The following FBXO15 variants were observed in gnomAD, a reference collection of about 807,000 sequenced individuals.
The protein encoded by FBXO15 is F-box protein 15.
FBXO15 carries 30 observed loss-of-function variants against 49.5 expected under a neutral mutation model. The observed-to-expected ratio is 0.61, with a 90% CI of 0.45 to 0.82. The LOEUF (loss-of-function observed/expected upper bound fraction) is 0.82. FBXO15 is among the 40% of genes least tolerant of loss of function. FBXO15 has a pLI of 0.00. For synonymous variants in FBXO15, 250 were observed against 232.7 expected, an observed-to-expected ratio of 1.07 and a Z score of -0.68; for missense variants, 591 against 631.5, an observed-to-expected ratio of 0.94 and a Z score of 0.69.
rs776815994 is a variant in FBXO15 at position 74,129,436 on chromosome 18, T to G, written c.754A>C (p.Thr252Pro). The G allele has an allele frequency of 3.1e-6, 5 of 1,613,868 alleles. No individual in the cohort carries two copies. In the African/African-American group the frequency reaches 6.7e-5, roughly 22 times the overall value. ...LDLCGMTPVF[T>P]DWYKTPTKHR... ...TTGGTGGGAGTTTTATACCAGTCGG[T>G]AAAAACTGGTGTCATGCCACATAAA... The change falls in exon 5 of 10, where the codon ACC becomes CCC. Residue 252 changes from threonine (T) to proline (P), a missense_variant. Physicochemically the swap from Thr to Pro is conservative, Grantham distance 38. Coordinates refer to ENST00000419743, the MANE Select transcript of FBXO15 (RefSeq NM_001142958.2).
intron 8 of FBXO15, among the ~76,000 whole-genome samples, chr18:74,120,320 T>C (rs528204408): frequency 7.2e-5 from 11 of 152,298 alleles, no homozygotes; most frequent in East Asian, 5.8e-4. Context: ...TCTCAACCGG[T>C]ATTACCTAAT....
At chr18:74,096,976 C>T (rs1056252841) in intron 8 of FBXO15, 6 of 152,226 alleles carry the variant, frequency 3.9e-5, no homozygotes, top group African/African-American at 9.7e-5. Context: ...ACTTGAAGGT[C>T]TAGATCACGG....
In FBXO15 at chr18:74,135,739, CAG is replaced by C. The variant is rs1169330852; in HGVS notation, c.332+21_332+22del. ...CCATCAAACTGTCATCAAAACATAA[CAG>C]AGACTTGGATTTCTGCTTACTTGTC... On this transcript the variant is annotated intron_variant, in intron 3 of 9. Coordinates refer to ENST00000419743, the MANE Select transcript of FBXO15 (RefSeq NM_001142958.2). The C allele has an allele frequency of 7.7e-6, 12 of 1,565,500 alleles. No individual in the cohort carries two copies. The East Asian group carries it at 1.6e-4, about 21-fold the overall frequency.
intron 9 of FBXO15, among the ~76,000 whole-genome samples, chr18:74,079,199 A>C (rs1181892548): frequency 6.6e-6 from 1 of 152,260 alleles, no homozygotes; most frequent in Non-Finnish European, 1.5e-5. Flanking sequence ...AAGCCTCACC[A>C]AAAGAAAATC....
intron 8 of FBXO15, among the ~76,000 whole-genome samples, chr18:74,117,236 CCTACT>C (rs1914270446): frequency 6.6e-6 from 1 of 152,144 alleles, no homozygotes; most frequent in Non-Finnish European, 1.5e-5. Flanking sequence ...CCTTGGAAAT[CCTACT>C]TTGTCATCTT....
chr18:74,142,666 A>G (rs1979157509), intron 1 of FBXO15, among the ~76,000 whole-genome samples: 1 of 152,084 alleles, frequency 6.6e-6, no homozygotes, highest in Non-Finnish European at 1.5e-5. Flanking sequence ...GCCTCTTCTT[A>G]TAAGGATATC....
chr18:74,126,250 C>T, intron 5 of FBXO15, 149 bp from the exon 6 acceptor site: 1 of 1,051,184 alleles, frequency 9.5e-7, no homozygotes, highest in Non-Finnish European at 1.4e-6. Context: ...GGTGAGGACA[C>T]AAATGAATAA....
At position 74,130,495 on chromosome 18, in the gene FBXO15, C is replaced by G. The variant is rs759100583; in HGVS notation, c.496G>C (p.Val166Leu). The G allele has an allele frequency of 4.2e-5, 67 of 1,614,074 alleles. No homozygotes were observed. The highest frequency in any genetic ancestry group is 5.5e-5 in the Non-Finnish European group (65 of 1,180,026). The change falls in exon 4 of 10, where the codon GTA (valine) becomes CTA (leucine). Residue 166 changes from valine to leucine, a missense_variant. By Grantham distance (32) the Val-to-Leu change is conservative. Transcript: ENST00000419743. ...KEYITKQIAS[V>L]KAALADILKP... ...AGAATGTCAGCTAGTGCGGCTTTTA[C>G]AGATGCTATTTGTTTTGTGATATAT... is the stretch of plus-strand genomic sequence containing the variant.
At chr18:74,101,165 C>T (rs536074031) in intron 8 of FBXO15, among the ~76,000 whole-genome samples, 1 of 152,244 alleles carries the variant, frequency 6.6e-6, no homozygotes, top group Admixed American at 6.5e-5. Context: ...TAACAAAATA[C>T]TAACTAACTG....
chr18:74,122,731 C>T (rs1914525650), intron 8 of FBXO15: 1 of 152,130 alleles, frequency 6.6e-6, no homozygotes, highest in East Asian at 1.9e-4. Context: ...TACATAACTT[C>T]CCTTTTAAAA....
At position 74,129,374 on chromosome 18, in the gene FBXO15, T is replaced by C. The variant is rs780949776; in HGVS notation, c.785+31A>G. The C allele has an allele frequency of 3.2e-6, 5 of 1,574,208 alleles. No homozygotes were observed. The South Asian group carries it at 4.5e-5, about 14-fold the overall frequency. The stretch of plus-strand genomic sequence containing the variant: ...ACTAATATTTACATATAAGATGCTC[T>C]CACTCAACAGTTCTGCTGATTGGTA... On this transcript the variant is annotated intron_variant, in intron 5 of 9. Coordinates refer to ENST00000419743, the MANE Select transcript of FBXO15 (RefSeq NM_001142958.2).
intron 8 of FBXO15, among the ~76,000 whole-genome samples, chr18:74,112,054 T>C (rs919460130): frequency 6.6e-6 from 1 of 152,180 alleles, no homozygotes; most frequent in Non-Finnish European, 1.5e-5. Flanking sequence ...TTAATAACCT[T>C]GTAAAACAGA....
At chr18:74,087,203 T>G (rs558787308) in intron 8 of FBXO15, among the ~76,000 whole-genome samples, 1 of 152,234 alleles carries the variant, frequency 6.6e-6, no homozygotes, top group Non-Finnish European at 1.5e-5. Context: ...TGATGACTGA[T>G]CAGGATGGTA....
chr18:74,124,154 G>C (rs1416001131), intron 7 of FBXO15, among the ~76,000 whole-genome samples: 3 of 152,028 alleles, frequency 2.0e-5, no homozygotes, highest in African/African-American at 7.2e-5. Flanking sequence ...TCAGCCCAAG[G>C]GCCATGAGTC....
intron 8 of FBXO15, among the ~76,000 whole-genome samples, chr18:74,117,297 T>G (rs774302515): frequency 6.6e-6 from 1 of 152,068 alleles, no homozygotes; most frequent in Non-Finnish European, 1.5e-5. Flanking sequence ...CCTAACTCAG[T>G]TTCCCATTCT....
At chr18:74,139,489 C>T (rs1351325697) in intron 2 of FBXO15, among the ~76,000 whole-genome samples, 1 of 152,176 alleles carries the variant, frequency 6.6e-6, no homozygotes, top group African/African-American at 2.4e-5. Context: ...TTAAAATACA[C>T]TGAAATGTGT....
At chr18:74,119,339 G>C (rs1242528892) in intron 8 of FBXO15, among the ~76,000 whole-genome samples, 1 of 152,198 alleles carries the variant, frequency 6.6e-6, no homozygotes, top group Middle Eastern at 3.2e-3. Flanking sequence ...GCCTTTGGGA[G>C]CCACCCATTC....
chr18:74,116,075 A>G (rs1914218862), intron 8 of FBXO15, among the ~76,000 whole-genome samples: 1 of 152,190 alleles, frequency 6.6e-6, no homozygotes, highest in Non-Finnish European at 1.5e-5. Flanking sequence ...TCACAATACA[A>G]AGATGTTTAA....
intron 8 of FBXO15, among the ~76,000 whole-genome samples, chr18:74,106,827 A>G (rs1019403074): frequency 6.6e-6 from 1 of 152,208 alleles, no homozygotes; most frequent in East Asian, 1.9e-4. Context: ...ATAATCATGA[A>G]AAGTGGATAC....
Sources: allele counts gnomAD v4.1 joint callset (sites outside exome capture counted in the v4.1 genomes callset), GRCh38; gene constraint gnomAD v4.1.1; transcripts MANE v1.5; gene names NCBI Gene and HGNC (gene_info 2026-07-23, HGNC 2026-07-21).